MDN1: variants seen among roughly 807,000 people sequenced by gnomAD.
The protein encoded by MDN1 is midasin.
In MDN1, 266 loss-of-function variants were observed where a neutral mutation model predicts 669.2. That is an observed-to-expected ratio of 0.40 (90% CI 0.36 to 0.44). The LOEUF is 0.44. Among genes scored for constraint, MDN1 ranks in the 20% least tolerant of loss-of-function variants. The pLI is 1.00. For synonymous variants in MDN1, 2,385 were observed against 2,457.1 expected (o/e 0.97, Z 0.87); for missense variants, 5,940 against 6,754.0 (o/e 0.88, Z 4.22).
rs143661927 is a variant in MDN1, at chr6:89,661,510, A to G, written c.14634T>C (p.Ala4878=). ...GGTTCAAGTCATCTGGAAGGTCCAA[A>G]GCCTCGGGTTCTGGCACCTTTTCCT... ...GNQEKVPEPE[A]LDLPDDLNLD... The change falls in exon 88 of 102, where the codon GCT becomes GCC. Residue 4878 remains alanine, a synonymous_variant. Transcript: ENST00000369393. 1 of 1,614,186 alleles carries G rather than the reference A, an allele frequency of 6.2e-7. No individual in the cohort carries two copies. Among genetic ancestry groups the G allele is most frequent in the Non-Finnish European group, 8.5e-7 (1 of 1,180,012 alleles).
Position 89,662,899 on chromosome 6 carries a change from C to T in MDN1, c.14305G>A (p.Glu4769Lys), listed in dbSNP as rs1809904106. Residue 4769 changes from glutamate (E) to lysine (K), a missense_variant, in exon 86 of 102, where the codon GAG becomes AAG. Physicochemically the swap from Glu to Lys is moderately conservative, Grantham distance 56. Around this residue, in one of 5 missense-constraint regions of MDN1, gnomAD observed 2,280 missense variants for 2,576.3 expected, o/e 0.88. Transcript: ENST00000369393. Reference protein sequence around the residue: ...LDKHMGDLNGEEADKLDERLW... With the variant: ...LDKHMGDLNGKEADKLDERLW... Reference sequence around the variant, plus strand: ...CTCTCATCTAGTTTGTCAGCTTCCTCACCATTGAGATCGCCCATGTGTTTA... The same window carrying T: ...CTCTCATCTAGTTTGTCAGCTTCCTTACCATTGAGATCGCCCATGTGTTTA... The T allele has an allele frequency of 6.2e-7, 1 of 1,614,044 alleles. No homozygotes were observed.
chr6:89,671,047 G>A lies in MDN1; in HGVS notation c.13828C>T (p.Leu4610=), dbSNP rs773753113. ...GAGTAGCTGGAGAGGACCGGCACCA[G>A]GCGCACCAGCAAGGAACAGGATTGG... ...FSQSCSLLVR[L]VPVLSSYSDL... is the part of the protein sequence containing the mutation. Residue 4610 remains leucine, a synonymous_variant, in exon 83 of 102, where the codon CTG becomes TTG. Coordinates refer to ENST00000369393, the MANE Select transcript of MDN1 (RefSeq NM_014611.3). The A allele has an allele frequency of 5.6e-6, 9 of 1,614,050 alleles. No individual in the cohort carries two copies. The highest frequency in any genetic ancestry group is 7.6e-6 in the Non-Finnish European group (9 of 1,180,004).
intron 33 of MDN1, among the ~76,000 whole-genome samples, chr6:89,737,954 C>T (rs1257816463): frequency 6.6e-6 from 1 of 152,076 alleles, no homozygotes; most frequent in Non-Finnish European, 1.5e-5. Flanking sequence ...GAACTCCTGA[C>T]CTCAAGTGAT....
At chr6:89,727,456 T>G (rs773195269) in intron 37 of MDN1, among the ~76,000 whole-genome samples, 14 of 152,196 alleles carry the variant, frequency 9.2e-5, no homozygotes, top group Non-Finnish European at 1.5e-4. Flanking sequence ...GTAGGTCATT[T>G]TGTATGTCTT....
intron 92 of MDN1, 55 bp from the exon 93 acceptor site, chr6:89,654,389 A>G: frequency 6.3e-7 from 1 of 1,597,466 alleles, no homozygotes. Context: ...GCAGAACAAA[A>G]TAATAATAAG....
In MDN1 at chr6:89,675,314, T is replaced by C. The variant is rs983748975; in HGVS notation, c.12761+150A>G. 1.1e-4 allele frequency: 69 copies of C among 642,648 alleles called. No individual in the cohort carries two copies. The Middle Eastern group carries it at 1.3e-3, about 12-fold the overall frequency. 39.8% of individuals were successfully genotyped at this position (642,648 alleles called of 1,614,324 possible). ...TATCACTGAAAGCAAGGGGCAGAGC[T>C]GGGAGAAACCCTACCTGCCTCTTTG... On this transcript the variant is annotated intron_variant, in intron 78 of 101. Coordinates refer to ENST00000369393, the MANE Select transcript of MDN1 (RefSeq NM_014611.3).
At chr6:89,776,208 T>A (rs62415982) in intron 12 of MDN1, among the ~76,000 whole-genome samples, 56,810 of 151,794 alleles carry the variant, frequency 0.37, 11,370 homozygotes, top group East Asian at 0.68. Flanking sequence ...ATGCTTGTTA[T>A]CCCAGCACTT....
At chr6:89,788,602 C>CTGAG (rs1334088525) in intron 7 of MDN1, among the ~76,000 whole-genome samples, 1 of 152,146 alleles carries the variant, frequency 6.6e-6, no homozygotes, top group Non-Finnish European at 1.5e-5. Flanking sequence ...GCCTCCTGTG[C>CTGAG]TGAGCTAAGG....
chr6:89,786,666 C>T (rs755009487), intron 8 of MDN1, among the ~76,000 whole-genome samples: 10 of 151,778 alleles, frequency 6.6e-5, no homozygotes, highest in South Asian at 6.2e-4. Context: ...CGGTGGCTCA[C>T]GCCTGTAATC....
chr6:89,758,194 C>G, intron 19 of MDN1, 61 bp downstream of exon 19: 1 of 1,383,450 alleles, frequency 7.2e-7, no homozygotes. Flanking sequence ...GCACTCCAAC[C>G]TGGGCAACAG....
At chr6:89,805,861 ATTTGG>A (rs1304756510) in intron 1 of MDN1, among the ~76,000 whole-genome samples, 1 of 152,224 alleles carries the variant, frequency 6.6e-6, no homozygotes, top group Non-Finnish European at 1.5e-5. Context: ...AATTTAACAG[ATTTGG>A]TCATGATACA....
At position 89,723,036 on chromosome 6, in the gene MDN1, C is replaced by T. The variant is rs761087949; in HGVS notation, c.5886G>A (p.Gln1962=). ...GACCAGGATCATAACACCCAGGGGA[C>T]TGGTCAACCAGCATCAACTGACACC... ...FRWCQLMLVD[Q]SPGCYDPGQH... The change falls in exon 40 of 102, where the codon CAG becomes CAA. Residue 1962 remains glutamine (Q), a synonymous_variant. Transcript: ENST00000369393. The T allele has an allele frequency of 2.5e-6, 4 of 1,613,944 alleles. No individual in the cohort carries two copies. The African/African-American group carries it at 5.3e-5, about 22-fold the overall frequency.
chr6:89,712,903 T>C, intron 47 of MDN1, 117 bp from the exon 48 acceptor site: 1 of 922,336 alleles, frequency 1.1e-6, no homozygotes, highest in Non-Finnish European at 1.6e-6. Flanking sequence ...AATACACTCT[T>C]CAATGAAAAA....
chr6:89,699,535 G>T (rs558688573), intron 58 of MDN1, 66 bp downstream of exon 58: 10 of 1,510,228 alleles, frequency 6.6e-6, no homozygotes, highest in Non-Finnish European at 8.9e-6. Context: ...TTCCCAACCA[G>T]TCTGTCAAAG....
chr6:89,676,467 G>T lies in MDN1; in HGVS notation c.12540-260C>A, dbSNP rs1189258567. 5.9e-5 allele frequency among the ~76,000 whole-genome samples: 9 copies of T among 152,262 alleles called. No individual in the cohort carries two copies. The East Asian group carries it at 1.4e-3, about 23-fold the overall frequency. ...CTATCTTGGCAGTGGAGGCTAGGGG[G>T]TCATAAACTCTGATGCCTACAGGGG... On this transcript the variant is annotated intron_variant, in intron 76 of 101. Transcript: ENST00000369393.
intron 1 of MDN1, among the ~76,000 whole-genome samples, chr6:89,806,483 G>C (rs1316946702): frequency 6.6e-6 from 1 of 152,154 alleles, no homozygotes; most frequent in Non-Finnish European, 1.5e-5. Flanking sequence ...TTGGGAGGCA[G>C]AGGGTGGTGG....
intron 1 of MDN1, among the ~76,000 whole-genome samples, chr6:89,815,975 T>C (rs1221065365): frequency 6.6e-6 from 1 of 152,182 alleles, no homozygotes; most frequent in African/African-American, 2.4e-5. Flanking sequence ...CCAGGAGGGG[T>C]AGCCCTGTTC....
chr6:89,756,644 C>T (rs1240730176), intron 19 of MDN1, among the ~76,000 whole-genome samples: 2 of 152,130 alleles, frequency 1.3e-5, no homozygotes, highest in Non-Finnish European at 2.9e-5. Flanking sequence ...ATACAAAAGC[C>T]GGGTGCGGTG....
intron 33 of MDN1, among the ~76,000 whole-genome samples, chr6:89,734,832 G>A (rs1815846963): frequency 6.6e-6 from 1 of 151,654 alleles, no homozygotes; most frequent in South Asian, 2.1e-4. Context: ...GAACTATACA[G>A]TTTCTTATCT....
Sources: allele counts gnomAD v4.1 joint callset (sites outside exome capture counted in the v4.1 genomes callset), GRCh38; gene constraint gnomAD v4.1.1; regional missense constraint gnomAD v4.1.1; transcripts MANE v1.5; gene names NCBI Gene and HGNC (gene_info 2026-07-23, HGNC 2026-07-21).